The following MVB12B variants were observed in gnomAD, a reference collection of about 807,000 sequenced individuals.
MVB12B encodes ESCRT-I complex subunit MVB12B.
In MVB12B, 16 loss-of-function variants were observed where a neutral mutation model predicts 41.6. That is an observed-to-expected ratio of 0.38 (90% CI 0.26 to 0.58). The LOEUF is 0.58. MVB12B is among the 20% of genes least tolerant of loss of function. The probability of loss-of-function intolerance (pLI) is 0.62; values close to 1 mark genes in which losing one functional copy is unlikely to be tolerated. For synonymous variants in MVB12B, 133 were observed against 139.7 expected (o/e 0.95, Z 0.34); for missense variants, 274 against 380.2 (o/e 0.72, Z 2.32).
chr9:126,393,473 G>A (rs146307072), intron 5 of MVB12B, among the ~76,000 whole-genome samples: 1 of 152,340 alleles, frequency 6.6e-6, no homozygotes, highest in Non-Finnish European at 1.5e-5. Context: ...TAGTCTCATT[G>A]GTCTTGATTG....
chr9:126,334,518 T>G (rs536798386), intron 1 of MVB12B, among the ~76,000 whole-genome samples: 10 of 152,368 alleles, frequency 6.6e-5, no homozygotes, highest in Admixed American at 1.3e-4. Flanking sequence ...GAAATTATAT[T>G]AGTATCTTTA....
chr9:126,343,584 A>G (rs929464942), intron 2 of MVB12B, among the ~76,000 whole-genome samples: 2 of 152,360 alleles, frequency 1.3e-5, no homozygotes, highest in African/African-American at 4.8e-5. Flanking sequence ...CCAGCAATAC[A>G]CATTTTACCT....
At chr9:126,452,406 G>C (rs942720760) in intron 7 of MVB12B, among the ~76,000 whole-genome samples, 1 of 152,218 alleles carries the variant, frequency 6.6e-6, no homozygotes, top group Admixed American at 6.5e-5. Context: ...CTCAGCTCCA[G>C]ACGTGTGCAG....
intron 6 of MVB12B, among the ~76,000 whole-genome samples, chr9:126,406,051 G>A (rs373679988): frequency 6.9e-6 from 1 of 144,184 alleles, no homozygotes; most frequent in East Asian, 2.0e-4. Context: ...TTTGTGGGGG[G>A]TTTTTTTTTT....
intron 1 of MVB12B, among the ~76,000 whole-genome samples, chr9:126,330,139 T>G (rs1293309645): frequency 6.6e-6 from 1 of 152,146 alleles, no homozygotes; most frequent in African/African-American, 2.4e-5. Context: ...TTGACACGCT[T>G]CTGGCGAGAT....
chr9:126,385,560 A>G (rs1340093672), intron 3 of MVB12B, among the ~76,000 whole-genome samples: 1 of 152,200 alleles, frequency 6.6e-6, no homozygotes, highest in Non-Finnish European at 1.5e-5. Context: ...GACCAACTAG[A>G]TGCTTGTCCA....
chr9:126,395,763 C>T lies in MVB12B; in HGVS notation c.662+66C>T. ...TAGGTCCCTGCACAACATTTTAGAA[C>T]ACCACCACTTAGTGTCTGCTGAAAT... On this transcript the variant is annotated intron_variant, in intron 6 of 9. Transcript: ENST00000361171. The surrounding 1 kb of genome is among the most constrained non-coding windows in gnomAD (Gnocchi z 4.9). 3 of 1,594,272 alleles carry T rather than the reference C, an allele frequency of 1.9e-6. No homozygotes were observed. Among genetic ancestry groups the T allele is most frequent in the Non-Finnish European group, 2.6e-6 (3 of 1,170,060 alleles).
In MVB12B at chr9:126,468,268, C is replaced by G. The variant is rs1833238225; in HGVS notation, c.758-13101C>G. ...AAACTCACCCTCACATCCCCGCCCG[C>G]CAGGCCTCATTTCTGGATCTCCACC... On this transcript the variant is annotated intron_variant, in intron 7 of 9. Transcript: ENST00000361171. The surrounding 1 kb of genome is among the most constrained non-coding windows in gnomAD (Gnocchi z 4.3). Among the ~76,000 whole-genome samples, 1 of 152,166 alleles carries G rather than the reference C, an allele frequency of 6.6e-6. No individual in the cohort carries two copies. Among genetic ancestry groups the G allele is most frequent in the Non-Finnish European group, 1.5e-5 (1 of 68,030 alleles).
chr9:126,409,457 C>T (rs1831557674), intron 6 of MVB12B, among the ~76,000 whole-genome samples: 1 of 106,714 alleles, frequency 9.4e-6, no homozygotes, highest in Non-Finnish European at 1.9e-5. Context: ...GCCTCCTTTG[C>T]AGGATTTGTC....
chr9:126,502,728 G>C (rs1369214463), intron 9 of MVB12B, among the ~76,000 whole-genome samples: 1 of 152,186 alleles, frequency 6.6e-6, no homozygotes, highest in Non-Finnish European at 1.5e-5. Flanking sequence ...AGCATATCAG[G>C]GGTCCCTAGA....
In MVB12B at chr9:126,480,043, C is replaced by T. The variant is rs1053421185; in HGVS notation, c.758-1326C>T. On this transcript the variant is annotated intron_variant, in intron 7 of 9. Transcript: ENST00000361171. The surrounding 1 kb of genome is among the most constrained non-coding windows in gnomAD (Gnocchi z 4.9). Reference sequence around the variant, plus strand: ...GAAGGTTCCAGAGAAGTCATCATTCCAGGAGACACTGGGGGAAGCAAAGAT... The same window carrying T: ...GAAGGTTCCAGAGAAGTCATCATTCTAGGAGACACTGGGGGAAGCAAAGAT... 1.3e-5 allele frequency among the ~76,000 whole-genome samples: 2 copies of T among 152,158 alleles called. No individual in the cohort carries two copies. Among genetic ancestry groups the T allele is most frequent in the African/African-American group, 4.8e-5 (2 of 41,432 alleles).
intron 2 of MVB12B, among the ~76,000 whole-genome samples, chr9:126,372,093 A>G (rs896660434): frequency 6.6e-6 from 1 of 152,154 alleles, no homozygotes; most frequent in Non-Finnish European, 1.5e-5. Flanking sequence ...GTCTCTAGGG[A>G]TTTCCCATTT....
chr9:126,342,646 G>A (rs763065827), intron 2 of MVB12B, among the ~76,000 whole-genome samples: 2 of 152,210 alleles, frequency 1.3e-5, no homozygotes, highest in Non-Finnish European at 2.9e-5. Context: ...CCCTCTGAAA[G>A]CCCTAACAGG....
chr9:126,404,688 C>G (rs534485222), intron 6 of MVB12B, among the ~76,000 whole-genome samples: 7 of 152,356 alleles, frequency 4.6e-5, no homozygotes, highest in African/African-American at 1.7e-4. Context: ...GTCCAGCACA[C>G]TTGCACTGTG....
intron 9 of MVB12B, among the ~76,000 whole-genome samples, chr9:126,487,827 G>A (rs372105102): frequency 1.4e-4 from 22 of 151,832 alleles, no homozygotes; most frequent in African/African-American, 5.1e-4. Flanking sequence ...AATTAAAGTC[G>A]ATGTAAAGAA....
chr9:126,396,582 G>C (rs541916918), intron 6 of MVB12B: 2 of 985,340 alleles, frequency 2.0e-6, no homozygotes, highest in Non-Finnish European at 2.4e-6. Flanking sequence ...CCTGCCCTCC[G>C]GGACATACCA....
At chr9:126,445,593 G>A (rs1832747646) in intron 7 of MVB12B, among the ~76,000 whole-genome samples, 1 of 151,904 alleles carries the variant, frequency 6.6e-6, no homozygotes, top group African/African-American at 2.4e-5. Context: ...GTGAGCCACC[G>A]CACCCAGCCT....
chr9:126,409,054 C>G (rs117428500), intron 6 of MVB12B, among the ~76,000 whole-genome samples: 2,184 of 152,220 alleles, frequency 0.014, 102 homozygotes, highest in Admixed American at 0.088. Flanking sequence ...TTGAGCTTTG[C>G]TGCCCCCACC....
intron 4 of MVB12B, among the ~76,000 whole-genome samples, chr9:126,388,192 C>T (rs1215745691): frequency 6.6e-6 from 1 of 152,112 alleles, no homozygotes; most frequent in African/African-American, 2.4e-5. Flanking sequence ...CTCTCCAACC[C>T]TCACCTCCCC....
Sources: allele counts gnomAD v4.1 joint callset (sites outside exome capture counted in the v4.1 genomes callset), GRCh38; gene constraint gnomAD v4.1.1; non-coding constraint Gnocchi (gnomAD v3.1); transcripts MANE v1.5; gene names NCBI Gene and HGNC (gene_info 2026-07-23, HGNC 2026-07-21).